The following ERICH6B variants were observed in gnomAD, a reference collection of about 807,000 sequenced individuals.
The protein encoded by ERICH6B is glutamate rich 6B, also known as glutamate-rich protein 6B.
ERICH6B carries 69 observed loss-of-function variants against 80.0 expected under a neutral mutation model. That is an observed-to-expected ratio of 0.86 (90% CI 0.71 to 1.05). The LOEUF (loss-of-function observed/expected upper bound fraction) is 1.05. Among genes scored for constraint, ERICH6B ranks in the 50% least tolerant of loss-of-function variants. The pLI is 0.00. For missense variants in ERICH6B, 754 were observed against 796.1 expected, an observed-to-expected ratio of 0.95 and a Z score of 0.64; for synonymous variants, 283 against 291.9, an observed-to-expected ratio of 0.97 and a Z score of 0.31.
At chr13:45,544,709 G>T in intron 14 of ERICH6B, 51 bp downstream of exon 14, 4 of 1,484,842 alleles carry the variant, frequency 2.7e-6, no homozygotes, top group Non-Finnish European at 3.7e-6. Flanking sequence ...AGTGGCCTTT[G>T]TACAGGTGGG....
rs568409169 is a variant in ERICH6B, at chr13:45,587,221, G to C, written c.698C>G (p.Ala233Gly). The C allele has an allele frequency of 6.4e-6, 10 of 1,551,692 alleles. No individual in the cohort carries two copies. The Admixed American group carries it at 1.2e-4, about 18-fold the overall frequency. ...GAAGGTGGTCACCTGAGAGGGGCCA[G>C]CGTCTGGACTCCTGTCAGAGGGGAG... ...MLLRDARSPD[A>G]GPSQVTTFLT... Residue 233 changes from alanine to glycine, a missense_variant, in exon 5 of 15, where the codon GCT becomes GGT. Physicochemically the swap from Ala to Gly is moderately conservative, Grantham distance 60. Coordinates refer to ENST00000298738, the MANE Select transcript of ERICH6B (RefSeq NM_182542.3).
chr13:45,563,507 C>A (rs536536451), intron 10 of ERICH6B, among the ~76,000 whole-genome samples: 4 of 152,164 alleles, frequency 2.6e-5, no homozygotes, highest in African/African-American at 9.7e-5. Flanking sequence ...AGATCCCCCA[C>A]CTGCCCCTGC....
intron 5 of ERICH6B, among the ~76,000 whole-genome samples, chr13:45,585,983 A>G (rs879918871): frequency 1.6e-4 from 24 of 152,060 alleles, no homozygotes; most frequent in Non-Finnish European, 2.9e-4. Context: ...TCTCAAGCTT[A>G]GCATTGGCAC....
At chr13:45,566,947 A>G (rs1874939500) in intron 9 of ERICH6B, among the ~76,000 whole-genome samples, 1 of 152,222 alleles carries the variant, frequency 6.6e-6, no homozygotes, top group Non-Finnish European at 1.5e-5. Context: ...GGGAGGCTAT[A>G]CCCTGCAAAG....
At chr13:45,565,180 C>A (rs1002762430) in intron 9 of ERICH6B, among the ~76,000 whole-genome samples, 1 of 152,014 alleles carries the variant, frequency 6.6e-6, no homozygotes, top group East Asian at 1.9e-4. Context: ...TGTGTTTTGC[C>A]TTCCCATTTC....
At chr13:45,612,689 T>C (rs1168653229) in intron 1 of ERICH6B, among the ~76,000 whole-genome samples, 1 of 152,228 alleles carries the variant, frequency 6.6e-6, no homozygotes, top group Non-Finnish European at 1.5e-5. Flanking sequence ...CTCCCGCTGC[T>C]GACCTCCCTA....
intron 8 of ERICH6B, among the ~76,000 whole-genome samples, chr13:45,573,169 A>G (rs192547186): frequency 6.6e-6 from 1 of 152,326 alleles, no homozygotes; most frequent in Admixed American, 6.5e-5. Flanking sequence ...ATATATATTT[A>G]TATGTACACA....
At chr13:45,567,605 T>C (rs892411447) in intron 9 of ERICH6B, among the ~76,000 whole-genome samples, 2 of 152,240 alleles carry the variant, frequency 1.3e-5, no homozygotes, top group Admixed American at 6.5e-5. Flanking sequence ...TCTGCCATGA[T>C]TGTGAGGCCT....
At chr13:45,602,140 G>A (rs978441786) in intron 2 of ERICH6B, among the ~76,000 whole-genome samples, 1 of 152,178 alleles carries the variant, frequency 6.6e-6, no homozygotes, top group African/African-American at 2.4e-5. Flanking sequence ...AGAGATTGGG[G>A]TCCGTCTGTC....
chr13:45,580,744 G>A (rs957912325), intron 5 of ERICH6B, 79 bp from the exon 6 acceptor site: 2 of 1,427,636 alleles, frequency 1.4e-6, no homozygotes, highest in African/African-American at 2.9e-5. Flanking sequence ...GGTATGTGGG[G>A]TCCCAGGTTC....
chr13:45,558,573 C>T (rs1167122259), intron 11 of ERICH6B, among the ~76,000 whole-genome samples: 1 of 152,194 alleles, frequency 6.6e-6, no homozygotes, highest in African/African-American at 2.4e-5. Context: ...GTGGATTTGT[C>T]ATAGATGGCT....
intron 4 of ERICH6B, 58 bp downstream of exon 4, chr13:45,590,591 G>T: frequency 1.3e-6 from 2 of 1,492,032 alleles, no homozygotes; most frequent in South Asian, 1.2e-5. Flanking sequence ...AAGGGCTGCT[G>T]AAACATTGTC....
intron 2 of ERICH6B, among the ~76,000 whole-genome samples, chr13:45,606,524 TATATATATATATATATA>T (rs1566307736): frequency 9.0e-5 from 3 of 33,334 alleles, no homozygotes; most frequent in Non-Finnish European, 1.5e-4. Context: ...TATATATATA[TATATATATATATATATA>T]TATATATTTT....
At position 45,615,337 on chromosome 13, in the gene ERICH6B, A is replaced by G. The variant is rs540773687; in HGVS notation, c.-111+348T>C. 3.3e-5 allele frequency among the ~76,000 whole-genome samples: 5 copies of G among 152,348 alleles called. No homozygotes were observed. The South Asian group carries it at 1.0e-3, about 32-fold the overall frequency. ...TATTCAGGCTGTCAAGGAAGAAGTC[A>G]TAGTATCCACACTCGCACTTCCCCC... On this transcript the variant is annotated intron_variant, in intron 1 of 14. Coordinates refer to ENST00000298738, the MANE Select transcript of ERICH6B (RefSeq NM_182542.3).
chr13:45,580,011 G>T (rs1428884300), intron 6 of ERICH6B, 37 bp from the exon 7 acceptor site: 2 of 1,488,202 alleles, frequency 1.3e-6, no homozygotes, highest in Non-Finnish European at 1.8e-6. Flanking sequence ...ACAGGATACG[G>T]TATAGTGAAC....
chr13:45,572,458 G>T (rs541998123), intron 8 of ERICH6B, among the ~76,000 whole-genome samples: 7 of 152,080 alleles, frequency 4.6e-5, no homozygotes, highest in Non-Finnish European at 1.0e-4. Flanking sequence ...GATCTCCTAC[G>T]CCATATTGTT....
rs1423287536 is a variant in ERICH6B, at chr13:45,579,969, C to A, written c.925G>T (p.Val309Phe). The A allele has an allele frequency of 6.5e-7, 1 of 1,549,268 alleles. No homozygotes were observed. Among genetic ancestry groups the A allele is most frequent in the Non-Finnish European group, 8.7e-7 (1 of 1,146,182 alleles). ...TTTKLAPEEH[V>F]NTKVQQKKEE... The stretch of plus-strand genomic sequence containing the variant: ...TTTTTTTGCTGTACTTTAGTGTTAA[C>A]ATGCTCTAAAAAAGAATAAGAAAAA... The change falls in exon 7 of 15, where the codon GTT (valine) becomes TTT (phenylalanine). Residue 309 changes from valine (V) to phenylalanine (F), a missense_variant. Val to Phe is a conservative substitution (Grantham distance 50). Transcript: ENST00000298738.
At chr13:45,559,505 C>T (rs755161967) in intron 11 of ERICH6B, among the ~76,000 whole-genome samples, 3 of 151,912 alleles carry the variant, frequency 2.0e-5, no homozygotes, top group Non-Finnish European at 2.9e-5. Context: ...TATTTGTGCT[C>T]TTTCAGACTT....
intron 11 of ERICH6B, among the ~76,000 whole-genome samples, chr13:45,554,455 A>G (rs1874351914): frequency 6.6e-6 from 1 of 152,182 alleles, no homozygotes; most frequent in Admixed American, 6.5e-5. Flanking sequence ...GATGTTTTTC[A>G]TGGGTAGCGG....
Sources: gnomAD v4.1 joint callset for allele counts (sites outside exome capture counted in the v4.1 genomes callset) on GRCh38, gnomAD v4.1.1 for gene constraint, MANE v1.5 for transcripts, NCBI Gene and HGNC (gene_info 2026-07-23, HGNC 2026-07-21) for gene names.